The following SNTB2 variants were observed in gnomAD, a reference collection of about 807,000 sequenced individuals.
SNTB2 encodes syntrophin beta 2.
SNTB2 carries 34 observed loss-of-function variants against 46.2 expected under a neutral mutation model. The ratio of observed to expected loss-of-function variants is 0.74; its 90% confidence interval spans 0.56 to 0.98. The LOEUF is 0.98. Among genes scored for constraint, SNTB2 ranks in the 50% least tolerant of loss-of-function variants. The pLI, the probability that SNTB2 is intolerant of heterozygous loss-of-function variation, is 0.00. For missense variants in SNTB2, 603 were observed against 731.4 expected (o/e 0.82, Z 2.02); for synonymous variants, 290 against 312.6 (o/e 0.93, Z 0.76).
chr16:69,217,776 C>A (rs1418210764), intron 1 of SNTB2, among the ~76,000 whole-genome samples: 1 of 152,130 alleles, frequency 6.6e-6, no homozygotes, highest in East Asian at 1.9e-4. Context: ...TTTCTGATTT[C>A]TTTAGGCCTC....
chr16:69,257,670 C>T (rs1185869577), intron 2 of SNTB2, among the ~76,000 whole-genome samples: 2 of 152,164 alleles, frequency 1.3e-5, no homozygotes, highest in African/African-American at 4.8e-5. Flanking sequence ...TGGTTTCGAT[C>T]TGCTGACCTT....
intron 1 of SNTB2, among the ~76,000 whole-genome samples, chr16:69,210,730 C>T (rs775976765): frequency 6.6e-6 from 1 of 152,090 alleles, no homozygotes; most frequent in Non-Finnish European, 1.5e-5. Flanking sequence ...CAGCGGGTCA[C>T]GCCTGTAATC....
chr16:69,283,126 GTTTTC>G (rs1272235701), intron 4 of SNTB2, among the ~76,000 whole-genome samples: 1 of 151,930 alleles, frequency 6.6e-6, no homozygotes, highest in Non-Finnish European at 1.5e-5. Flanking sequence ...GTTGTTTTTT[GTTTTC>G]TTTTGTTTTT....
intron 2 of SNTB2, among the ~76,000 whole-genome samples, chr16:69,251,270 A>C (rs71384741): frequency 1.7e-4 from 26 of 150,578 alleles, no homozygotes; most frequent in African/African-American, 5.8e-4. Context: ...GAGCCACTGC[A>C]CCCGGCCTTG....
At chr16:69,227,860 T>C (rs2152294497) in intron 1 of SNTB2, among the ~76,000 whole-genome samples, 1 of 138,862 alleles carries the variant, frequency 7.2e-6, no homozygotes, top group East Asian at 2.0e-4. Flanking sequence ...TTTTTTTTTT[T>C]TTTTTTAAGA....
chr16:69,297,578 A>G (rs1597205726), intron 5 of SNTB2, among the ~76,000 whole-genome samples: 1 of 150,868 alleles, frequency 6.6e-6, no homozygotes, highest in Non-Finnish European at 1.5e-5. Flanking sequence ...AGATCACGCC[A>G]CTGCACCAGC....
intron 1 of SNTB2, among the ~76,000 whole-genome samples, chr16:69,220,821 T>C (rs190071754): frequency 1.3e-5 from 2 of 152,316 alleles, no homozygotes; most frequent in Admixed American, 1.3e-4. Context: ...AATAAACCAC[T>C]GTGCCTGGCC....
chr16:69,250,442 G>A (rs1597186970), intron 2 of SNTB2, among the ~76,000 whole-genome samples: 1 of 152,124 alleles, frequency 6.6e-6, no homozygotes, highest in Non-Finnish European at 1.5e-5. Context: ...ATTCTAGGAG[G>A]ATTAAATAAG....
intron 5 of SNTB2, among the ~76,000 whole-genome samples, chr16:69,294,243 T>C (rs1965201937): frequency 6.6e-6 from 1 of 152,144 alleles, no homozygotes; most frequent in African/African-American, 2.4e-5. Flanking sequence ...GTCTCAAACT[T>C]GTGGCCTCAA....
At position 69,284,090 on chromosome 16, in the gene SNTB2, A is replaced by C. The variant is rs976956173; in HGVS notation, c.1191A>C (p.Gly397=). The change falls in exon 5 of 7, where the codon GGA becomes GGC. Residue 397 remains glycine, a synonymous_variant. Transcript: ENST00000336278. ...CCGGATGTCGATCCCCCTCCCTTGG[A>C]TCTGACCTTACATTTGCTACCAGGA... ...SGSGCRSPSL[G]SDLTFATRTG... 6.2e-7 allele frequency: 1 copy of C among 1,613,638 alleles called. No individual in the cohort carries two copies. Among genetic ancestry groups the C allele is most frequent in the African/African-American group, 1.3e-5 (1 of 74,822 alleles).
At chr16:69,261,997 C>T (rs1964839296) in intron 3 of SNTB2, among the ~76,000 whole-genome samples, 1 of 152,044 alleles carries the variant, frequency 6.6e-6, no homozygotes, top group African/African-American at 2.4e-5. Flanking sequence ...TCGCTCAAGA[C>T]CAGGAGCTTG....
chr16:69,302,700 G>C lies in SNTB2; in HGVS notation c.*1776G>C, dbSNP rs1965285470. The C allele has an allele frequency of 6.6e-6, 1 of 152,214 alleles. No homozygotes were observed. The highest frequency in any genetic ancestry group is 1.5e-5 in the Non-Finnish European group (1 of 68,046). 9.4% of individuals were successfully genotyped at this position (152,214 alleles called of 1,614,324 possible). A position where few individuals can be genotyped will look rare whatever the true frequency, so the allele number is the denominator to read the frequency against. ...ATTACAGTGAAACCAACAATATGCA[G>C]AGGTTGGGGAGAGATGCCTGTTCTT... On this transcript the variant is annotated 3_prime_UTR_variant, in exon 7 of 7. Coordinates refer to ENST00000336278, the MANE Select transcript of SNTB2 (RefSeq NM_006750.4).
At chr16:69,292,362 A>ATATATATATATATATATTATATATATAT (rs869190092) in intron 5 of SNTB2, among the ~76,000 whole-genome samples, 14 of 45,510 alleles carry the variant, frequency 3.1e-4, no homozygotes, top group Non-Finnish European at 4.7e-4. Flanking sequence ...TTTTATATAT[A>ATATATATATATATATATTATATATATAT]TATATATATA....
chr16:69,280,426 C>T (rs1965028821), intron 4 of SNTB2, among the ~76,000 whole-genome samples: 1 of 152,056 alleles, frequency 6.6e-6, no homozygotes, highest in African/African-American at 2.4e-5. Flanking sequence ...CCTCACTTCC[C>T]AGTAGGGGCG....
At chr16:69,242,301 C>G (rs931323889) in intron 1 of SNTB2, among the ~76,000 whole-genome samples, 1 of 152,004 alleles carries the variant, frequency 6.6e-6, no homozygotes, top group Non-Finnish European at 1.5e-5. Context: ...CGGTGTGTGC[C>G]TATAGTTGCA....
chr16:69,199,407 G>A (rs908269680), intron 1 of SNTB2, among the ~76,000 whole-genome samples: 1 of 150,450 alleles, frequency 6.6e-6, no homozygotes, highest in South Asian at 2.1e-4. Flanking sequence ...GCAGCTAATC[G>A]CCTTCAAATC....
chr16:69,199,128 C>G (rs558682429), intron 1 of SNTB2, among the ~76,000 whole-genome samples: 2 of 152,150 alleles, frequency 1.3e-5, no homozygotes, highest in East Asian at 3.9e-4. Flanking sequence ...CTCCTGACTT[C>G]AGGTGATTCA....
At position 69,187,535 on chromosome 16, in the gene SNTB2, G is replaced by C; in HGVS notation, c.369G>C (p.Ala123=). The C allele has an allele frequency of 4.3e-6, 6 of 1,403,720 alleles. No individual in the cohort carries two copies. The highest frequency in any genetic ancestry group is 5.6e-6 in the Non-Finnish European group (6 of 1,067,154). The allele number at this position is 1,403,720 out of a possible 1,614,324, so 87.0% of individuals were successfully genotyped here. ...GGGTGCGGGTGGTGAAGCAAGAGGC[G>C]GGCGGCCTGGGCATCAGCATCAAGG... ...VRRVRVVKQE[A]GGLGISIKGG... is the part of the protein sequence containing the mutation. Residue 123 remains alanine (A), a synonymous_variant, in exon 1 of 7, where the codon GCG becomes GCC. Transcript: ENST00000336278.
intron 1 of SNTB2, among the ~76,000 whole-genome samples, chr16:69,207,204 G>C (rs1964231888): frequency 7.2e-6 from 1 of 138,960 alleles, no homozygotes; most frequent in Admixed American, 7.2e-5. Flanking sequence ...GTTCAGGCTG[G>C]AGTGCAGTGG....
Sources: allele counts gnomAD v4.1 joint callset (sites outside exome capture counted in the v4.1 genomes callset), GRCh38; gene constraint gnomAD v4.1.1; transcripts MANE v1.5; gene names NCBI Gene and HGNC (gene_info 2026-07-23, HGNC 2026-07-21).